The following TRPM1 variants were observed in gnomAD, a reference collection of about 807,000 sequenced individuals.
TRPM1 encodes the protein transient receptor potential cation channel subfamily M member 1, also known as TRPM1-203 APA Isoform, Intron 10.
A neutral mutation model predicts 149.4 loss-of-function variants in TRPM1; 113 were observed. That is an observed-to-expected ratio of 0.76 (90% CI 0.65 to 0.88). TRPM1 has a LOEUF of 0.88. Among genes scored for constraint, TRPM1 ranks in the 40% least tolerant of loss-of-function variants. The pLI, the probability that TRPM1 is intolerant of heterozygous loss-of-function variation, is 0.00. For synonymous variants in TRPM1, 741 were observed against 759.5 expected (o/e 0.98, Z 0.40); for missense variants, 1,976 against 2,038.7 (o/e 0.97, Z 0.59).
At chr15:31,137,054 C>T (rs568815153) in intron 1 of TRPM1, among the ~76,000 whole-genome samples, 7 of 152,120 alleles carry the variant, frequency 4.6e-5, no homozygotes, top group African/African-American at 1.7e-4. Flanking sequence ...CTCTCTTTTG[C>T]ATTAGTGCTC....
chr15:31,095,625 C>T (rs56751906), intron 1 of TRPM1, among the ~76,000 whole-genome samples: 2,175 of 152,004 alleles, frequency 0.014, 50 homozygotes, highest in African/African-American at 0.05. Flanking sequence ...GCAGAGGTTG[C>T]GGTGAGCTGA....
intron 1 of TRPM1, among the ~76,000 whole-genome samples, chr15:31,125,400 C>A (rs936174394): frequency 1.3e-5 from 2 of 152,076 alleles, no homozygotes; most frequent in African/African-American, 4.8e-5. Context: ...TTTCTGCAAA[C>A]CTAAAACTAC....
Position 31,074,376 on chromosome 15 carries a change from C to A in TRPM1, c.83+2529G>T, listed in dbSNP as rs2034639013. ...TATTACTAATCCTATCTCTTTACTC[C>A]TTATAGATCTGTTCAGATTGTACAT... On this transcript the variant is annotated intron_variant, in intron 3 of 27. Transcript: ENST00000256552. 3.9e-5 allele frequency among the ~76,000 whole-genome samples: 6 copies of A among 152,030 alleles called. No homozygotes were observed. In the South Asian group the frequency reaches 1.2e-3, roughly 31 times the overall value.
At chr15:31,044,006 G>T (rs1275288145) in intron 16 of TRPM1, among the ~76,000 whole-genome samples, 1 of 152,070 alleles carries the variant, frequency 6.6e-6, no homozygotes, top group Admixed American at 6.5e-5. Flanking sequence ...ACCTTACTTA[G>T]CAATGAATTT....
At position 31,081,929 on chromosome 15, in the gene TRPM1, G is replaced by C. The variant is rs565594917; in HGVS notation, c.-83-491C>G. Among the ~76,000 whole-genome samples, 19 of 152,282 alleles carry C rather than the reference G, an allele frequency of 1.2e-4. 1 individual carries two copies. In the South Asian group the frequency reaches 2.5e-3, roughly 20 times the overall value. ...TCTCCTGAATCTGCTCAGAGGCAGT[G>C]TGCAGGTGAAAGGCAATGGGTGGAG... On this transcript the variant is annotated intron_variant, in intron 1 of 27. Transcript: ENST00000256552.
chr15:31,017,141 A>C (rs750489589), intron 27 of TRPM1, among the ~76,000 whole-genome samples: 7 of 152,120 alleles, frequency 4.6e-5, no homozygotes, highest in Non-Finnish European at 8.8e-5. Context: ...CCCCGTCTCT[A>C]CTAAAACTAC....
chr15:31,113,352 G>T (rs7173825), intron 1 of TRPM1, among the ~76,000 whole-genome samples: 1 of 151,900 alleles, frequency 6.6e-6, no homozygotes, highest in Admixed American at 6.6e-5. Context: ...AAAGAGCCAG[G>T]GCCACCATGG....
chr15:31,090,329 G>A (rs1207901932), intron 1 of TRPM1, among the ~76,000 whole-genome samples: 1 of 152,112 alleles, frequency 6.6e-6, no homozygotes, highest in African/African-American at 2.4e-5. Context: ...ATTCCATGTG[G>A]TATTTTCCAT....
intron 27 of TRPM1, among the ~76,000 whole-genome samples, chr15:31,015,136 G>A (rs942210381): frequency 8.2e-5 from 10 of 121,636 alleles, no homozygotes; most frequent in Non-Finnish European, 1.5e-4. Flanking sequence ...GGCTGGGCAC[G>A]GTGGCTCACG....
intron 20 of TRPM1, 49 bp from the exon 21 acceptor site, chr15:31,035,723 A>G: frequency 6.2e-7 from 1 of 1,613,756 alleles, no homozygotes; most frequent in Non-Finnish European, 8.5e-7. Flanking sequence ...TCACATAGCA[A>G]TCAAATTTTG....
intron 27 of TRPM1, among the ~76,000 whole-genome samples, chr15:31,019,394 C>T (rs867927576): frequency 8.5e-5 from 13 of 152,132 alleles, no homozygotes; most frequent in Non-Finnish European, 1.6e-4. Context: ...ACAAGACTCA[C>T]GTCTTTCTTT....
intron 3 of TRPM1, among the ~76,000 whole-genome samples, chr15:31,071,986 T>C (rs1264826352): frequency 2.7e-4 from 16 of 59,544 alleles, no homozygotes; most frequent in South Asian, 6.6e-4. Context: ...AAAACATATA[T>C]ATATATATAT....
chr15:31,045,051 C>T (rs192535883), intron 16 of TRPM1, among the ~76,000 whole-genome samples: 34 of 152,260 alleles, frequency 2.2e-4, no homozygotes, highest in African/African-American at 8.2e-4. Flanking sequence ...GGAAATTTTA[C>T]AGGTGAGTCC....
chr15:31,135,483 T>C (rs1303904115), intron 1 of TRPM1, among the ~76,000 whole-genome samples: 1 of 152,198 alleles, frequency 6.6e-6, no homozygotes, highest in Non-Finnish European at 1.5e-5. Context: ...AGTACATGCA[T>C]ATGGATGAAA....
At chr15:31,147,174 C>T (rs1211663422) in intron 1 of TRPM1, among the ~76,000 whole-genome samples, 2 of 152,146 alleles carry the variant, frequency 1.3e-5, no homozygotes, top group African/African-American at 2.4e-5. Context: ...AAACTAGATT[C>T]GTTGTCATTT....
At chr15:31,157,813 T>G (rs2141067989) in intron 1 of TRPM1, among the ~76,000 whole-genome samples, 1 of 152,314 alleles carries the variant, frequency 6.6e-6, no homozygotes, top group Non-Finnish European at 1.5e-5. Flanking sequence ...GGGTCAGATC[T>G]GCCTTGTACA....
At chr15:31,088,331 CCTT>C (rs2035062540) in intron 1 of TRPM1, among the ~76,000 whole-genome samples, 1 of 152,174 alleles carries the variant, frequency 6.6e-6, no homozygotes, top group Non-Finnish European at 1.5e-5. Context: ...GCTCGGGTCT[CCTT>C]ATTGGTTGTG....
Position 31,081,376 on chromosome 15 carries a change from T to C in TRPM1, c.-21A>G, listed in dbSNP as rs762373922. The C allele has an allele frequency of 1.3e-6, 2 of 1,534,504 alleles. No individual in the cohort carries two copies. The highest frequency in any genetic ancestry group is 1.4e-5 in the African/African-American group (1 of 73,112). On this transcript the variant is annotated 5_prime_UTR_variant, in exon 2 of 28. Transcript: ENST00000256552. ...ACCATGAGTTTTCAAAAAGTTGATA[T>C]AAGGAAATAGCCTCAGTCCAGCACT... is the stretch of plus-strand genomic sequence containing the variant.
In TRPM1 at chr15:31,066,158, A is replaced by T; in HGVS notation, c.708T>A (p.Asn236Lys). ...CGGCGCCATACTTGCCCAGGGTGCC[A>T]TTGTCAGCCAGGATGAAGTGGGTGT... Reference protein sequence around the residue: ...NSHTHFILADNGTLGKYGAEV... With the variant: ...NSHTHFILADKGTLGKYGAEV... The change falls in exon 7 of 28, where the codon AAT becomes AAA. Residue 236 changes from asparagine (N) to lysine (K), a missense_variant. Asn to Lys is a moderately conservative substitution (Grantham distance 94). Around this residue, in one of 3 missense-constraint regions of TRPM1, gnomAD observed 1,332 missense variants for 1,347.1 expected, o/e 0.99. Coordinates refer to ENST00000256552, the MANE Select transcript of TRPM1 (RefSeq NM_001252024.2). 6.2e-7 allele frequency: 1 copy of T among 1,614,140 alleles called. No individual in the cohort carries two copies. Among genetic ancestry groups the T allele is most frequent in the Non-Finnish European group, 8.5e-7 (1 of 1,180,010 alleles).
Sources: allele counts gnomAD v4.1 joint callset (sites outside exome capture counted in the v4.1 genomes callset), GRCh38; gene constraint gnomAD v4.1.1; regional missense constraint gnomAD v4.1.1; transcripts MANE v1.5; gene names NCBI Gene and HGNC (gene_info 2026-07-23, HGNC 2026-07-21).